The following XRCC4 variants were observed in gnomAD, a reference collection of about 807,000 sequenced individuals.
The protein encoded by XRCC4 is DNA repair protein XRCC4.
In XRCC4, 28 loss-of-function variants were observed where a neutral mutation model predicts 39.1. The ratio of observed to expected loss-of-function variants is 0.72; its 90% confidence interval spans 0.53 to 0.98. The LOEUF is 0.98. Ranked by LOEUF, XRCC4 falls within the 50% of genes least tolerant of loss-of-function variation. The pLI, the probability that XRCC4 is intolerant of heterozygous loss-of-function variation, is 0.00. For missense variants in XRCC4, 350 were observed against 376.4 expected, an observed-to-expected ratio of 0.93 and a Z score of 0.58; for synonymous variants, 123 against 126.4, an observed-to-expected ratio of 0.97 and a Z score of 0.18.
intron 1 of XRCC4, among the ~76,000 whole-genome samples, chr5:83,090,764 T>G (rs990349219): frequency 1.4e-4 from 22 of 152,138 alleles, no homozygotes; most frequent in Admixed American, 3.9e-4. Flanking sequence ...ACAAAAACAT[T>G]CCTATCACTC....
intron 3 of XRCC4, among the ~76,000 whole-genome samples, chr5:83,133,654 G>T (rs139162768): frequency 1.4e-3 from 218 of 152,280 alleles, no homozygotes; most frequent in African/African-American, 5.1e-3. Context: ...TTCTAGCAGT[G>T]AGCGAGGCTC....
chr5:83,108,998 T>C (rs1372291771), intron 2 of XRCC4, among the ~76,000 whole-genome samples: 1 of 151,786 alleles, frequency 6.6e-6, no homozygotes, highest in Non-Finnish European at 1.5e-5. Context: ...AAGCTATTTT[T>C]ATTCTTACCT....
chr5:83,141,870 T>C (rs150893820), intron 3 of XRCC4, among the ~76,000 whole-genome samples: 7 of 152,102 alleles, frequency 4.6e-5, no homozygotes, highest in African/African-American at 1.7e-4. Context: ...TGTTTCAATC[T>C]GTTTGTGACA....
At chr5:83,171,158 C>G (rs1203240699) in intron 3 of XRCC4, among the ~76,000 whole-genome samples, 3 of 152,106 alleles carry the variant, frequency 2.0e-5, no homozygotes, top group Non-Finnish European at 2.9e-5. Context: ...TCTCAACTTA[C>G]ATGAATGCCT....
chr5:83,171,939 T>A (rs1749746259), intron 3 of XRCC4, among the ~76,000 whole-genome samples: 1 of 152,228 alleles, frequency 6.6e-6, no homozygotes, highest in Non-Finnish European at 1.5e-5. Context: ...CGTATTGATT[T>A]TATGTGTCCA....
In XRCC4 at chr5:83,316,029, A is replaced by T. The variant is rs1458625754; in HGVS notation, c.894-37102A>T. 2.0e-5 allele frequency among the ~76,000 whole-genome samples: 3 copies of T among 151,898 alleles called. No homozygotes were observed. The East Asian group carries it at 5.8e-4, about 29-fold the overall frequency. On this transcript the variant is annotated intron_variant, in intron 7 of 7. Coordinates refer to ENST00000396027, the MANE Select transcript of XRCC4 (RefSeq NM_003401.5). Reference sequence around the variant, plus strand: ...CACTGTTCTAGATGCCATTAAGAACATTCATGATTCATGGGAGGTGGTAAA... The same window carrying T: ...CACTGTTCTAGATGCCATTAAGAACTTTCATGATTCATGGGAGGTGGTAAA...
At chr5:83,158,247 A>G (rs1211894123) in intron 3 of XRCC4, among the ~76,000 whole-genome samples, 1 of 152,118 alleles carries the variant, frequency 6.6e-6, no homozygotes, top group East Asian at 1.9e-4. Context: ...AAGTGCAGAC[A>G]ACAAATGGAT....
downstream of XRCC4, chr5:83,353,854 C>A (rs760244804): frequency 6.6e-6 from 1 of 152,050 alleles, no homozygotes; most frequent in Non-Finnish European, 1.5e-5. Context: ...GTAAATGTAA[C>A]CCCCTGTGTG....
At chr5:83,188,937 A>G (rs1278771130) in intron 3 of XRCC4, among the ~76,000 whole-genome samples, 1 of 152,228 alleles carries the variant, frequency 6.6e-6, no homozygotes, top group Non-Finnish European at 1.5e-5. Flanking sequence ...CAGGGAATCC[A>G]AGATTCTGTA....
chr5:83,350,367 T>C (rs7729473), intron 7 of XRCC4, among the ~76,000 whole-genome samples: 15,562 of 152,238 alleles, frequency 0.1, 1,406 homozygotes, highest in East Asian at 0.49. Flanking sequence ...GCTGAAGTCA[T>C]TTACATTCCC....
At chr5:83,197,042 T>G (rs1750981241) in intron 4 of XRCC4, among the ~76,000 whole-genome samples, 1 of 151,616 alleles carries the variant, frequency 6.6e-6, no homozygotes. Context: ...TTATTTGGCT[T>G]TCATGTATTA....
At chr5:83,199,503 T>C (rs1751088720) in intron 4 of XRCC4, among the ~76,000 whole-genome samples, 1 of 152,128 alleles carries the variant, frequency 6.6e-6, no homozygotes, top group Admixed American at 6.5e-5. Flanking sequence ...AGATATAATT[T>C]TGGCCAGAAC....
intron 7 of XRCC4, among the ~76,000 whole-genome samples, chr5:83,274,061 A>C (rs1411463173): frequency 2.6e-5 from 4 of 152,204 alleles, no homozygotes; most frequent in Admixed American, 6.5e-5. Flanking sequence ...TAAAATGGGA[A>C]TAGCAATACC....
At chr5:83,348,596 C>T (rs897926342) in intron 7 of XRCC4, among the ~76,000 whole-genome samples, 1 of 152,216 alleles carries the variant, frequency 6.6e-6, no homozygotes, top group African/African-American at 2.4e-5. Flanking sequence ...CCATTCTGCC[C>T]TCCTAGGCCT....
intron 6 of XRCC4, among the ~76,000 whole-genome samples, chr5:83,234,885 C>T (rs1425250691): frequency 6.6e-6 from 1 of 151,184 alleles, no homozygotes; most frequent in African/African-American, 2.4e-5. Context: ...TTAAGTTAAT[C>T]CTCTTTAAAT....
At chr5:83,336,934 T>C (rs1475531770) in intron 7 of XRCC4, among the ~76,000 whole-genome samples, 2 of 152,204 alleles carry the variant, frequency 1.3e-5, no homozygotes, top group African/African-American at 4.8e-5. Context: ...TACCTCATAA[T>C]GGAAAGTGAG....
chr5:83,258,702 G>A, intron 7 of XRCC4, 25 bp downstream of exon 7: 1 of 1,600,526 alleles, frequency 6.2e-7, no homozygotes, highest in Non-Finnish European at 8.5e-7. Flanking sequence ...TCTTTGCCAA[G>A]AAGTGAGATG....
intron 1 of XRCC4, among the ~76,000 whole-genome samples, chr5:83,085,050 T>C (rs1428021514): frequency 6.6e-6 from 1 of 152,212 alleles, no homozygotes; most frequent in African/African-American, 2.4e-5. Flanking sequence ...TTCATTTCCA[T>C]AGCTTTGCTA....
At chr5:83,213,918 A>C (rs1580378976) in intron 6 of XRCC4, among the ~76,000 whole-genome samples, 1 of 152,246 alleles carries the variant, frequency 6.6e-6, no homozygotes, top group African/African-American at 2.4e-5. Flanking sequence ...TCTGAAAATC[A>C]GTTAAAGTAT....
Sources: gnomAD v4.1 joint callset for allele counts (sites outside exome capture counted in the v4.1 genomes callset) on GRCh38, gnomAD v4.1.1 for gene constraint, MANE v1.5 for transcripts, NCBI Gene and HGNC (gene_info 2026-07-23, HGNC 2026-07-21) for gene names.